Variants in ABAT observed in about 807,000 individuals in gnomAD.
The protein encoded by ABAT is 4-aminobutyrate aminotransferase.
ABAT carries 45 observed loss-of-function variants against 64.6 expected under a neutral mutation model. That is an observed-to-expected ratio of 0.70 (90% CI 0.55 to 0.89). The LOEUF is 0.89. Among genes scored for constraint, ABAT ranks in the 40% least tolerant of loss-of-function variants. The pLI, the probability that ABAT is intolerant of heterozygous loss-of-function variation, is 0.00. For synonymous variants in ABAT, 297 were observed against 250.5 expected (o/e 1.19, Z -1.75); for missense variants, 633 against 658.4 (o/e 0.96, Z 0.42).
chr16:8,716,853 A>T (rs914437939), intron 1 of ABAT, among the ~76,000 whole-genome samples: 3 of 152,240 alleles, frequency 2.0e-5, no homozygotes, highest in African/African-American at 7.2e-5. Flanking sequence ...ACAGGCCAGT[A>T]CAGTAGCCGT....
At chr16:8,766,006 C>A in intron 8 of ABAT, 2 of 572,146 alleles carry the variant, frequency 3.5e-6, no homozygotes, top group Non-Finnish European at 6.5e-6. Context: ...GTGCTTAATG[C>A]ATTATGTGTG....
chr16:8,763,488 A>G (rs1362872211), intron 6 of ABAT, among the ~76,000 whole-genome samples: 2 of 152,210 alleles, frequency 1.3e-5, no homozygotes, highest in African/African-American at 4.8e-5. Flanking sequence ...GGTGTCCTAT[A>G]CAGTGATGCT....
intron 1 of ABAT, among the ~76,000 whole-genome samples, chr16:8,727,270 G>T (rs2142265929): frequency 1.3e-5 from 2 of 152,226 alleles, no homozygotes; most frequent in East Asian, 3.9e-4. Context: ...GATCAGCCTA[G>T]AAATTGTTGC....
chr16:8,752,446 T>G (rs1420386152), intron 5 of ABAT, among the ~76,000 whole-genome samples: 1 of 152,104 alleles, frequency 6.6e-6, no homozygotes, highest in Non-Finnish European at 1.5e-5. Context: ...GGAATCAGAT[T>G]AGCAGCATTT....
At chr16:8,742,214 A>G (rs1408531639) in intron 2 of ABAT, among the ~76,000 whole-genome samples, 1 of 152,068 alleles carries the variant, frequency 6.6e-6, no homozygotes, top group Non-Finnish European at 1.5e-5. Context: ...TCATTATCGC[A>G]GTTCCACTTG....
chr16:8,738,412 A>T, intron 2 of ABAT: 3 of 455,648 alleles, frequency 6.6e-6, no homozygotes, highest in Non-Finnish European at 1.3e-5. Flanking sequence ...GCTTTCACTC[A>T]TTTTTCCTTT....
Position 8,765,634 on chromosome 16 carries a change from C to T in ABAT, c.541-574C>T, listed in dbSNP as rs190790551. 3.0e-4 allele frequency among the ~76,000 whole-genome samples: 46 copies of T among 152,076 alleles called. No individual in the cohort carries two copies. In the East Asian group the frequency reaches 7.5e-3, roughly 25 times the overall value. ...TAGCTGATATCATGCTACTGCACTCCAACCTGAGAGACACAGCAAGAGCAA... is the reference window on the plus strand; with the variant it reads ...TAGCTGATATCATGCTACTGCACTCTAACCTGAGAGACACAGCAAGAGCAA... On this transcript the variant is annotated intron_variant, in intron 8 of 15. Coordinates refer to ENST00000268251, the MANE Select transcript of ABAT (RefSeq NM_020686.6).
chr16:8,735,843 T>C (rs765776223), intron 2 of ABAT, 34 bp downstream of exon 2: 27 of 1,548,078 alleles, frequency 1.7e-5, no homozygotes, highest in Non-Finnish European at 2.2e-5. Context: ...GAACTGGTAC[T>C]AATGGAAGAT....
chr16:8,701,089 C>A (rs2142023520), intron 1 of ABAT, among the ~76,000 whole-genome samples: 1 of 152,278 alleles, frequency 6.6e-6, no homozygotes, highest in African/African-American at 2.4e-5. Context: ...AGGCACACAC[C>A]ACCACACCTG....
chr16:8,726,917 T>C (rs906709408), intron 1 of ABAT, among the ~76,000 whole-genome samples: 2 of 152,374 alleles, frequency 1.3e-5, no homozygotes, highest in Admixed American at 1.3e-4. Flanking sequence ...CTTTGTAGTT[T>C]TGATTTGCCT....
At position 8,776,346 on chromosome 16, in the gene ABAT, C is replaced by G. The variant is rs755056622; in HGVS notation, c.1125C>G (p.Pro375=). 14 of 1,614,078 alleles carry G rather than the reference C, an allele frequency of 8.7e-6. No individual in the cohort carries two copies. The highest frequency in any genetic ancestry group is 3.3e-5 in the South Asian group (3 of 91,082). ...FHKEEFRPNA[P]YRIFNTWLGD... The stretch of plus-strand genomic sequence containing the variant: ...CCAACACCCGTTCCTCATTCCAGCC[C>G]TACCGGATCTTCAACACCTGGCTGG... The change falls in exon 14 of 16, where the codon CCC becomes CCG. Residue 375 remains proline, a splice_region_variant and synonymous_variant. Coordinates refer to ENST00000268251, the MANE Select transcript of ABAT (RefSeq NM_020686.6). The surrounding 1 kb of genome is among the most constrained non-coding windows in gnomAD (Gnocchi z 4.4).
intron 6 of ABAT, among the ~76,000 whole-genome samples, chr16:8,761,162 T>C (rs1246941462): frequency 6.6e-6 from 1 of 152,070 alleles, no homozygotes; most frequent in Non-Finnish European, 1.5e-5. Flanking sequence ...ACCCTGTCCC[T>C]GCCAGGAGCT....
chr16:8,720,574 G>A (rs751947869), intron 1 of ABAT: 1 of 152,452 alleles, frequency 6.6e-6, no homozygotes, highest in African/African-American at 2.4e-5. Flanking sequence ...AAGTGGATGT[G>A]AGATAAAGCC....
intron 1 of ABAT, among the ~76,000 whole-genome samples, chr16:8,675,482 G>T (rs993133690): frequency 6.6e-6 from 1 of 151,804 alleles, no homozygotes; most frequent in African/African-American, 2.4e-5. Context: ...CCCCATCCTA[G>T]TAACCCCCTG....
intron 2 of ABAT, among the ~76,000 whole-genome samples, chr16:8,739,287 T>C (rs1483253058): frequency 6.6e-6 from 1 of 152,208 alleles, no homozygotes; most frequent in African/African-American, 2.4e-5. Flanking sequence ...ATTCATGTGA[T>C]TGGATTGCTA....
At chr16:8,736,692 C>A (rs943216208) in intron 2 of ABAT, 1 of 152,248 alleles carries the variant, frequency 6.6e-6, no homozygotes, top group South Asian at 2.1e-4. Context: ...TCTTTGAGAC[C>A]TCCCTCCCAA....
intron 1 of ABAT, among the ~76,000 whole-genome samples, chr16:8,678,813 G>A (rs982498373): frequency 6.6e-6 from 1 of 152,190 alleles, no homozygotes; most frequent in Non-Finnish European, 1.5e-5. Flanking sequence ...ACCTTGAAAG[G>A]TTCCTGAGTC....
At position 8,684,354 on chromosome 16, in the gene ABAT, C is replaced by T. The variant is rs1211859865; in HGVS notation, c.-42+9643C>T. On this transcript the variant is annotated intron_variant, in intron 1 of 15. Transcript: ENST00000268251. ...TTGAGAGGCCGAGGTGGGTGGATCA[C>T]TTGAACCCAGGAGTTCAAGACCAGC... Among the ~76,000 whole-genome samples, 10 of 152,280 alleles carry T rather than the reference C, an allele frequency of 6.6e-5. No homozygotes were observed. The East Asian group carries it at 1.9e-3, about 29-fold the overall frequency.
intron 4 of ABAT, 41 bp from the exon 5 acceptor site, chr16:8,750,381 G>C (rs375934108): frequency 6.6e-7 from 1 of 1,507,846 alleles, no homozygotes; most frequent in African/African-American, 1.4e-5. Context: ...AAGAATCTAG[G>C]GAGTGGCAGT....
Sources: allele counts gnomAD v4.1 joint callset (sites outside exome capture counted in the v4.1 genomes callset), GRCh38; gene constraint gnomAD v4.1.1; non-coding constraint Gnocchi (gnomAD v3.1); transcripts MANE v1.5; gene names NCBI Gene and HGNC (gene_info 2026-07-23, HGNC 2026-07-21).